Variants in CNTNAP2 observed in about 807,000 individuals in gnomAD.
CNTNAP2 encodes contactin associated protein 2, also known as contactin-associated protein-like 2.
A neutral mutation model predicts 155.2 loss-of-function variants in CNTNAP2; 98 were observed. That is an observed-to-expected ratio of 0.63 (90% CI 0.54 to 0.75). The LOEUF is 0.75. Among genes scored for constraint, CNTNAP2 ranks in the 30% least tolerant of loss-of-function variants. The pLI is 0.00. For missense variants in CNTNAP2, 1,727 were observed against 1,688.1 expected (o/e 1.02, Z -0.40); for synonymous variants, 651 against 631.2 (o/e 1.03, Z -0.47).
intron 2 of CNTNAP2, among the ~76,000 whole-genome samples, chr7:146,799,372 C>T (rs1444224127): frequency 2.0e-5 from 3 of 152,074 alleles, no homozygotes; most frequent in Admixed American, 2.0e-4. Flanking sequence ...ATTATTGTAT[C>T]CCATTTTTAT....
At chr7:146,707,110 T>C (rs975224476) in intron 1 of CNTNAP2, among the ~76,000 whole-genome samples, 7 of 152,148 alleles carry the variant, frequency 4.6e-5, no homozygotes, top group African/African-American at 1.4e-4. Flanking sequence ...GTACTATCTA[T>C]TGGGGCAGAG....
At chr7:148,360,816 CTTT>C (rs1231168802) in intron 21 of CNTNAP2, among the ~76,000 whole-genome samples, 1 of 126,846 alleles carries the variant, frequency 7.9e-6, no homozygotes. Flanking sequence ...TTTTCTTTTT[CTTT>C]TTTTTTTTTG....
rs186729092 is a variant in CNTNAP2, at chr7:147,967,710, G to A, written c.2256-10152G>A. Among the ~76,000 whole-genome samples the A allele has an allele frequency of 3.4e-4, 51 of 152,236 alleles. 2 individuals carry two copies. The South Asian group carries it at 8.5e-3, about 25-fold the overall frequency. ...GACTACAAAGTCTTGTCCTCAAAGG[G>A]CTCACACTGCATATCTACGTGAAGA... On this transcript the variant is annotated intron_variant, in intron 14 of 23. Transcript: ENST00000361727.
Position 147,047,275 on chromosome 7 carries a change from A to ATT in CNTNAP2, c.550+3239_550+3240dup, listed in dbSNP as rs35453952. 1.7e-3 allele frequency among the ~76,000 whole-genome samples: 191 copies of ATT among 111,378 alleles called. 1 individual carries two copies. The highest frequency in any genetic ancestry group is 3.1e-3 in the Admixed American group (32 of 10,396). 73.1% of individuals were successfully genotyped at this position (111,378 alleles called of 152,430 possible). ...AGGTGACCACCACCACGCCCGGCTA[A>ATT]TTTTTTTTTTTTTTTTTTTGTATTT... is the stretch of plus-strand genomic sequence containing the variant. On this transcript the variant is annotated intron_variant, in intron 4 of 23. Transcript: ENST00000361727.
At position 146,789,562 on chromosome 7, in the gene CNTNAP2, G is replaced by T. The variant is rs188463999; in HGVS notation, c.208+15181G>T. Among the ~76,000 whole-genome samples, 101 of 149,558 alleles carry T rather than the reference G, an allele frequency of 6.8e-4. No individual in the cohort carries two copies. The East Asian group carries it at 0.019, about 28-fold the overall frequency. ...CCTAGCCAAAATTGAAATCAATTTA[G>T]TCTAATTTTTGAACTTGTATTATGT... On this transcript the variant is annotated intron_variant, in intron 2 of 23. Transcript: ENST00000361727.
intron 2 of CNTNAP2, among the ~76,000 whole-genome samples, chr7:146,793,532 A>T (rs1386125478): frequency 6.6e-6 from 1 of 152,216 alleles, no homozygotes; most frequent in African/African-American, 2.4e-5. Context: ...TGGCAGAATT[A>T]TAATAACTGA....
intron 15 of CNTNAP2, among the ~76,000 whole-genome samples, chr7:148,009,778 T>C (rs1802042942): frequency 6.6e-6 from 1 of 152,140 alleles, no homozygotes; most frequent in East Asian, 1.9e-4. Context: ...GCAGTCACCG[T>C]TTATTTCTTT....
intron 8 of CNTNAP2, among the ~76,000 whole-genome samples, chr7:147,262,682 T>C (rs1563138059): frequency 6.6e-6 from 1 of 152,108 alleles, no homozygotes; most frequent in Non-Finnish European, 1.5e-5. Flanking sequence ...GGCGAGCGCC[T>C]GTAGTCCCAG....
chr7:147,952,314 T>C (rs1800949581), intron 14 of CNTNAP2, among the ~76,000 whole-genome samples: 1 of 137,862 alleles, frequency 7.3e-6, no homozygotes, highest in Non-Finnish European at 1.6e-5. Context: ...TGGTGGTGGA[T>C]GCCTGTAATC....
chr7:146,175,986 C>CA (rs1358003623), intron 1 of CNTNAP2, among the ~76,000 whole-genome samples: 9 of 152,164 alleles, frequency 5.9e-5, no homozygotes, highest in African/African-American at 2.2e-4. Context: ...AAAAGTGACT[C>CA]ACGTTATTCT....
intron 13 of CNTNAP2, chr7:147,671,786 C>T (rs1377453494): frequency 6.6e-6 from 1 of 152,190 alleles, no homozygotes; most frequent in African/African-American, 2.4e-5. Context: ...GGGAAGGAGG[C>T]TAATTCAAAT....
intron 1 of CNTNAP2, among the ~76,000 whole-genome samples, chr7:146,430,549 T>G (rs966704278): frequency 6.6e-6 from 1 of 152,062 alleles, no homozygotes; most frequent in Non-Finnish European, 1.5e-5. Context: ...CAGTAACTGC[T>G]ATTAAGTGGT....
intron 3 of CNTNAP2, among the ~76,000 whole-genome samples, chr7:146,912,066 A>T (rs1562998638): frequency 1.3e-5 from 2 of 151,580 alleles, no homozygotes; most frequent in Non-Finnish European, 2.9e-5. Flanking sequence ...TGTTATTTTA[A>T]AAGTATGTAT....
intron 21 of CNTNAP2, among the ~76,000 whole-genome samples, chr7:148,318,093 T>G (rs1797722736): frequency 6.6e-6 from 1 of 152,204 alleles, no homozygotes; most frequent in Non-Finnish European, 1.5e-5. Context: ...CTTCTCCTTT[T>G]GGAATGCTTT....
intron 1 of CNTNAP2, among the ~76,000 whole-genome samples, chr7:146,721,887 A>ATTTTTTTTTTTTTTTTTTTTT (rs1265800742): frequency 1.2e-5 from 1 of 81,996 alleles, no homozygotes; most frequent in African/African-American, 2.0e-4. Flanking sequence ...ATATATATAT[A>ATTTTTTTTTTTTTTTTTTTTT]TATTTTTTTT....
intron 1 of CNTNAP2, among the ~76,000 whole-genome samples, chr7:146,618,048 A>C (rs540248213): frequency 6.6e-6 from 1 of 152,258 alleles, no homozygotes; most frequent in South Asian, 2.1e-4. Flanking sequence ...AAAATAAAGA[A>C]AATTGGAGTA....
chr7:146,978,540 A>T (rs1035352189), intron 3 of CNTNAP2, among the ~76,000 whole-genome samples: 8 of 152,126 alleles, frequency 5.3e-5, no homozygotes, highest in African/African-American at 1.9e-4. Flanking sequence ...TTGTCAAAAG[A>T]CTATTTAAGA....
intron 12 of CNTNAP2, among the ~76,000 whole-genome samples, chr7:147,575,772 G>A (rs1163888289): frequency 6.6e-6 from 1 of 151,854 alleles, no homozygotes; most frequent in East Asian, 1.9e-4. Flanking sequence ...TGGTTAAGGA[G>A]TGTCATAATT....
chr7:146,242,258 G>T (rs535161437), intron 1 of CNTNAP2, among the ~76,000 whole-genome samples: 2 of 152,246 alleles, frequency 1.3e-5, no homozygotes, highest in Admixed American at 6.5e-5. Flanking sequence ...AAATAAAACA[G>T]GCCGGGCGCC....
Sources: allele counts gnomAD v4.1 joint callset (sites outside exome capture counted in the v4.1 genomes callset), GRCh38; gene constraint gnomAD v4.1.1; transcripts MANE v1.5; gene names NCBI Gene and HGNC (gene_info 2026-07-23, HGNC 2026-07-21).